FBXO38: variants seen among roughly 807,000 people sequenced by gnomAD.
FBXO38 encodes F-box protein 38.
Under a neutral mutation model 131.9 loss-of-function variants are expected in FBXO38, and 53 were observed. The ratio of observed to expected loss-of-function variants is 0.40; its 90% confidence interval spans 0.32 to 0.51. The LOEUF is 0.51. Ranked by LOEUF, FBXO38 falls within the 20% of genes least tolerant of loss-of-function variation. The probability of loss-of-function intolerance (pLI) is 0.53; values close to 1 mark genes in which losing one functional copy is unlikely to be tolerated. For synonymous variants in FBXO38, 452 were observed against 505.6 expected, an observed-to-expected ratio of 0.89 and a Z score of 1.42; for missense variants, 1,076 against 1,475.6, an observed-to-expected ratio of 0.73 and a Z score of 4.44.
chr5:148,433,374 A>C, intron 15 of FBXO38, 50 bp from the exon 16 acceptor site: 1 of 1,338,844 alleles, frequency 7.5e-7, no homozygotes, highest in Non-Finnish European at 1.1e-6. Flanking sequence ...TGCTTGAGGG[A>C]AAGAAAGCAA....
rs75456767 is a variant in FBXO38 at position 148,419,229 on chromosome 5, A to G, written c.1618+2025A>G. Among the ~76,000 whole-genome samples, 11 of 152,386 alleles carry G rather than the reference A, an allele frequency of 7.2e-5. No homozygotes were observed. The East Asian group carries it at 2.1e-3, about 29-fold the overall frequency. On this transcript the variant is annotated intron_variant, in intron 12 of 21. Coordinates refer to ENST00000340253, the MANE Select transcript of FBXO38 (RefSeq NM_205836.3). ...CAACAAGAGGAAGCCTAAGAAAACCAGAGGCAATGGCTGCATTTGTAGAGA... is the reference window on the plus strand; with the variant it reads ...CAACAAGAGGAAGCCTAAGAAAACCGGAGGCAATGGCTGCATTTGTAGAGA...
chr5:148,393,310 AAC>A (rs1001481925), intron 1 of FBXO38, among the ~76,000 whole-genome samples: 24 of 151,018 alleles, frequency 1.6e-4, no homozygotes, highest in African/African-American at 5.1e-4. Context: ...AAGAGACCAG[AAC>A]ACACACACAC....
At position 148,427,737 on chromosome 5, in the gene FBXO38, T is replaced by C. The variant is rs1340265400; in HGVS notation, c.2443T>C (p.Phe815Leu). 1 of 1,613,662 alleles carries C rather than the reference T, an allele frequency of 6.2e-7. No homozygotes were observed. Among genetic ancestry groups the C allele is most frequent in the Non-Finnish European group, 8.5e-7 (1 of 1,179,762 alleles). ...VNGPDGTRSAFSFRTLPQGGS... is the reference protein window; with the variant it reads ...VNGPDGTRSALSFRTLPQGGS... ...TGGCCCGGATGGTACGAGATCCGCC[T>C]TTTCCTTTAGGACTCTGCCACAAGG... Residue 815 changes from phenylalanine (F) to leucine (L), a missense_variant, in exon 15 of 22, where the codon TTT becomes CTT. Physicochemically the swap from Phe to Leu is conservative, Grantham distance 22. Coordinates refer to ENST00000340253, the MANE Select transcript of FBXO38 (RefSeq NM_205836.3).
Position 148,440,578 on chromosome 5 carries a change from C to G in FBXO38, c.3274+51C>G, listed in dbSNP as rs187320122. Reference sequence around the variant, plus strand: ...GTTAAATAGCCTGTGCAGTACTTACCTCTGTAATCCCAGCGACTCAGGAGG... The same window carrying G: ...GTTAAATAGCCTGTGCAGTACTTACGTCTGTAATCCCAGCGACTCAGGAGG... On this transcript the variant is annotated intron_variant, in intron 20 of 21. Transcript: ENST00000340253. 538 of 1,100,540 alleles carry G rather than the reference C, an allele frequency of 4.9e-4. 3 individuals are homozygous for G. In the African/African-American group the frequency reaches 7.4e-3, roughly 15 times the overall value. 68.2% of individuals were successfully genotyped at this position (1,100,540 alleles called of 1,614,324 possible). A position where few individuals can be genotyped will look rare whatever the true frequency, so the allele number is the denominator to read the frequency against.
chr5:148,426,798 A>G (rs1162446800), intron 14 of FBXO38, among the ~76,000 whole-genome samples: 1 of 152,216 alleles, frequency 6.6e-6, no homozygotes, highest in African/African-American at 2.4e-5. Flanking sequence ...GGCATATACT[A>G]CAACTACAGT....
chr5:148,431,043 G>A (rs375295677), intron 15 of FBXO38, among the ~76,000 whole-genome samples: 1 of 152,274 alleles, frequency 6.6e-6, no homozygotes, highest in South Asian at 2.1e-4. Flanking sequence ...GTAATTTCTT[G>A]TTTTACTGTC....
chr5:148,412,223 A>T (rs1371798140), intron 9 of FBXO38, among the ~76,000 whole-genome samples: 1 of 152,138 alleles, frequency 6.6e-6, no homozygotes, highest in African/African-American at 2.4e-5. Flanking sequence ...CCACAGTTTA[A>T]CCATTTCTTC....
At chr5:148,385,966 TGAC>T (rs1227521435) in intron 1 of FBXO38, among the ~76,000 whole-genome samples, 12 of 152,184 alleles carry the variant, frequency 7.9e-5, no homozygotes, top group Admixed American at 6.5e-4. Context: ...AGATTTGAAT[TGAC>T]GAGATAGGAG....
In FBXO38 at chr5:148,441,171, C is replaced by T. The variant is rs1189975195; in HGVS notation, c.3322C>T (p.Leu1108=). Residue 1108 remains leucine (L), a synonymous_variant, in exon 21 of 22, where the codon CTG becomes TTG. Coordinates refer to ENST00000340253, the MANE Select transcript of FBXO38 (RefSeq NM_205836.3). The part of the protein sequence containing the change: ...PYSMISDFPW[L]RSLRAAEPNS... ...TTCCATGATTTCTGACTTCCCTTGGCTGAGGTCATTACGAGCTGCAGAGCC... is the reference window on the plus strand; with the variant it reads ...TTCCATGATTTCTGACTTCCCTTGGTTGAGGTCATTACGAGCTGCAGAGCC... The T allele has an allele frequency of 1.2e-6, 2 of 1,613,848 alleles. No homozygotes were observed. Among genetic ancestry groups the T allele is most frequent in the East Asian group, 2.2e-5 (1 of 44,886 alleles).
At chr5:148,403,969 C>T (rs1295787576) in intron 5 of FBXO38, among the ~76,000 whole-genome samples, 2 of 152,126 alleles carry the variant, frequency 1.3e-5, no homozygotes, top group African/African-American at 2.4e-5. Context: ...CCTCACGCTA[C>T]ACCTCCCTTC....
At chr5:148,387,755 G>A (rs954049720) in intron 1 of FBXO38, among the ~76,000 whole-genome samples, 12 of 143,652 alleles carry the variant, frequency 8.4e-5, no homozygotes, top group Non-Finnish European at 1.6e-4. Context: ...GCAGTCGTAC[G>A]ATCTTGGCTC....
rs541476366 is a variant in FBXO38 at position 148,422,834 on chromosome 5, A to G, written c.1619-1164A>G. On this transcript the variant is annotated intron_variant, in intron 12 of 21. Coordinates refer to ENST00000340253, the MANE Select transcript of FBXO38 (RefSeq NM_205836.3). ...AAAACCTAGTGGTTTCCCTCTGCCTACTGCAAACAATTCTAAGCTTTTTAG... is the reference window on the plus strand; with the variant it reads ...AAAACCTAGTGGTTTCCCTCTGCCTGCTGCAAACAATTCTAAGCTTTTTAG... Among the ~76,000 whole-genome samples, 10 of 152,300 alleles carry G rather than the reference A, an allele frequency of 6.6e-5. 2 individuals are homozygous for G. Among genetic ancestry groups the G allele is most frequent in the African/African-American group, 2.4e-4 (10 of 41,572 alleles).
chr5:148,410,830 T>G, intron 9 of FBXO38, 65 bp downstream of exon 9: 1 of 1,467,830 alleles, frequency 6.8e-7, no homozygotes. Context: ...AACTGAAATC[T>G]GAATTGGGTT....
At chr5:148,404,921 A>G (rs945595652) in intron 6 of FBXO38, 99 bp downstream of exon 6, 60 of 1,040,154 alleles carry the variant, frequency 5.8e-5, no homozygotes, top group African/African-American at 1.5e-4. Context: ...ATATTATGCT[A>G]TTACTATTTA....
rs746327159 is a variant in FBXO38 at position 148,424,072 on chromosome 5, C to T, written c.1693C>T (p.His565Tyr). ...VAESGNNTPA[H>Y]SQAIIPVDVD... ...CGAGAGTGGAAATAATACTCCAGCT[C>T]ACAGCCAGGCAATTATTCCTGTGGA... Residue 565 changes from histidine (H) to tyrosine (Y), a missense_variant, in exon 13 of 22, where the codon CAC becomes TAC. By Grantham distance (83) the His-to-Tyr change is moderately conservative (BLOSUM62 2). Transcript: ENST00000340253. 1.9e-6 allele frequency: 3 copies of T among 1,613,626 alleles called. No individual in the cohort carries two copies. Among genetic ancestry groups the T allele is most frequent in the East Asian group, 2.2e-5 (1 of 44,864 alleles).
chr5:148,414,674 A>T (rs1752951960), intron 10 of FBXO38, among the ~76,000 whole-genome samples: 1 of 152,258 alleles, frequency 6.6e-6, no homozygotes, highest in East Asian at 1.9e-4. Flanking sequence ...ATCTGAAAGG[A>T]CAAAGTAGGT....
At chr5:148,389,279 A>G (rs1184986280) in intron 1 of FBXO38, among the ~76,000 whole-genome samples, 1 of 152,246 alleles carries the variant, frequency 6.6e-6, no homozygotes, top group Non-Finnish European at 1.5e-5. Flanking sequence ...AATTACCAAA[A>G]TGTGACACAC....
rs763399500 is a variant in FBXO38, at chr5:148,433,617, T to C, written c.2755-18T>C. The C allele has an allele frequency of 2.5e-6, 4 of 1,575,056 alleles. No homozygotes were observed. Among genetic ancestry groups the C allele is most frequent in the Non-Finnish European group, 2.6e-6 (3 of 1,153,876 alleles). ...AAAGTTTGTATCTTTATATAGTTTCTAATTTTTCTGCTTGTAGGTTCTTGT... is the reference window on the plus strand; with the variant it reads ...AAAGTTTGTATCTTTATATAGTTTCCAATTTTTCTGCTTGTAGGTTCTTGT... On this transcript the variant is annotated intron_variant, in intron 16 of 21. Transcript: ENST00000340253.
intron 17 of FBXO38, among the ~76,000 whole-genome samples, chr5:148,436,411 T>G (rs2113657571): frequency 6.6e-6 from 1 of 152,294 alleles, no homozygotes; most frequent in African/African-American, 2.4e-5. Context: ...TTCTGAGCAC[T>G]AACATGATGC....
Sources: allele counts gnomAD v4.1 joint callset (sites outside exome capture counted in the v4.1 genomes callset), GRCh38; gene constraint gnomAD v4.1.1; transcripts MANE v1.5; gene names NCBI Gene and HGNC (gene_info 2026-07-23, HGNC 2026-07-21).